CRYL1: variants seen among roughly 807,000 people sequenced by gnomAD.
CRYL1 encodes lambda-crystallin homolog.
A neutral mutation model predicts 36.6 loss-of-function variants in CRYL1; 29 were observed. The observed-to-expected ratio is 0.79, with a 90% CI of 0.59 to 1.08. The LOEUF is 1.08. Ranked by LOEUF, CRYL1 falls within the 50% of genes least tolerant of loss-of-function variation. The pLI is 0.00. For synonymous variants in CRYL1, 152 were observed against 151.5 expected (o/e 1.00, Z -0.02); for missense variants, 411 against 407.9 (o/e 1.01, Z -0.06).
chr13:20,503,182 C>T (rs1283777554), intron 2 of CRYL1, among the ~76,000 whole-genome samples: 1 of 152,118 alleles, frequency 6.6e-6, no homozygotes, highest in East Asian at 1.9e-4. Context: ...AAAAATAAGG[C>T]AAATGAAGCA....
chr13:20,453,123 T>G (rs919544506), intron 3 of CRYL1, among the ~76,000 whole-genome samples: 9 of 152,176 alleles, frequency 5.9e-5, no homozygotes, highest in Non-Finnish European at 1.2e-4. Context: ...TACTTGACAT[T>G]CAGAGACCTC....
chr13:20,430,169 C>T lies in CRYL1; in HGVS notation c.633+1933G>A, dbSNP rs1424787358. 4.1e-6 allele frequency: 4 copies of T among 983,802 alleles called. No individual in the cohort carries two copies. In the African/African-American group the frequency reaches 7.0e-5, roughly 17 times the overall value. 60.9% of individuals were successfully genotyped at this position (983,802 alleles called of 1,614,324 possible). ...TCTAGAGCTGCCTTGGGCCCCACTA[C>T]CTGTAGATAATCCTTATTTTTAGAA... On this transcript the variant is annotated intron_variant, in intron 5 of 7. Coordinates refer to ENST00000298248, the MANE Select transcript of CRYL1 (RefSeq NM_015974.3).
Position 20,478,357 on chromosome 13 carries a change from C to T in CRYL1, c.276+11013G>A, listed in dbSNP as rs7338033. On this transcript the variant is annotated intron_variant, in intron 3 of 7. Coordinates refer to ENST00000298248, the MANE Select transcript of CRYL1 (RefSeq NM_015974.3). ...CCTACAACTTTTAAAGCAGAAGGGACAATTTGGTTTCCATCTAGACTGACT... is the reference window on the plus strand; with the variant it reads ...CCTACAACTTTTAAAGCAGAAGGGATAATTTGGTTTCCATCTAGACTGACT... 0.097 allele frequency among the ~76,000 whole-genome samples: 14,692 copies of T among 152,136 alleles called. 2,022 individuals carry two copies. The highest frequency in any genetic ancestry group is 0.31 in the African/African-American group (12,879 of 41,454).
At chr13:20,431,405 G>A in intron 5 of CRYL1, 1 of 985,412 alleles carries the variant, frequency 1.0e-6, no homozygotes, top group Non-Finnish European at 1.2e-6. Context: ...CCCTGCAGAA[G>A]CTGGGCAAGT....
intron 4 of CRYL1, among the ~76,000 whole-genome samples, chr13:20,438,908 C>T (rs900966904): frequency 6.6e-6 from 1 of 152,200 alleles, no homozygotes; most frequent in African/African-American, 2.4e-5. Context: ...TTCCTCACTT[C>T]AATACATTAA....
intron 5 of CRYL1, 67 bp downstream of exon 5, chr13:20,432,035 C>G (rs1565961856): frequency 1.2e-6 from 2 of 1,611,104 alleles, no homozygotes; most frequent in South Asian, 1.1e-5. Flanking sequence ...TCCTGCTCAA[C>G]TTTGAGAGGG....
At chr13:20,416,352 A>G (rs998140362) in intron 5 of CRYL1, among the ~76,000 whole-genome samples, 1 of 152,124 alleles carries the variant, frequency 6.6e-6, no homozygotes, top group African/African-American at 2.4e-5. Context: ...ATATCTACCT[A>G]AGGCCCACAG....
chr13:20,480,878 A>G (rs1208807062), intron 3 of CRYL1, among the ~76,000 whole-genome samples: 1 of 152,244 alleles, frequency 6.6e-6, no homozygotes, highest in East Asian at 1.9e-4. Flanking sequence ...TCACAGAAGA[A>G]GATAAATACA....
Position 20,452,387 on chromosome 13 carries a change from C to G in CRYL1, c.277-12633G>C, listed in dbSNP as rs568797633. Among the ~76,000 whole-genome samples the G allele has an allele frequency of 2.6e-5, 4 of 152,144 alleles. No individual in the cohort carries two copies. In the East Asian group the frequency reaches 7.7e-4, roughly 29 times the overall value. ...CACTAACTAAAGAAACCTGCTGTTG[C>G]TATATTAATATCTCAAAAAGTAGAC... On this transcript the variant is annotated intron_variant, in intron 3 of 7. Transcript: ENST00000298248.
intron 3 of CRYL1, among the ~76,000 whole-genome samples, chr13:20,469,094 A>G (rs2033002375): frequency 6.6e-6 from 1 of 152,226 alleles, no homozygotes; most frequent in Non-Finnish European, 1.5e-5. Context: ...AGTGTCTACC[A>G]TAGATACGAC....
At chr13:20,500,278 T>C (rs1430558895) in intron 2 of CRYL1, among the ~76,000 whole-genome samples, 1 of 152,262 alleles carries the variant, frequency 6.6e-6, no homozygotes, top group African/African-American at 2.4e-5. Context: ...GAGTAGAGTA[T>C]ACTTTTGTAA....
chr13:20,489,361 T>C lies in CRYL1; in HGVS notation c.276+9A>G. 3 of 1,612,892 alleles carry C rather than the reference T, an allele frequency of 1.9e-6. No homozygotes were observed. The highest frequency in any genetic ancestry group is 2.5e-6 in the Non-Finnish European group (3 of 1,179,966). ...CCCCACAGATGCGGCGCCAGTGTCC[T>C]TCACTCACCTGAATGTGCATGGCAC... On this transcript the variant is annotated intron_variant, in intron 3 of 7. Coordinates refer to ENST00000298248, the MANE Select transcript of CRYL1 (RefSeq NM_015974.3).
At chr13:20,452,104 A>G (rs1336582033) in intron 3 of CRYL1, among the ~76,000 whole-genome samples, 1 of 152,188 alleles carries the variant, frequency 6.6e-6, no homozygotes, top group African/African-American at 2.4e-5. Flanking sequence ...GGACATAAAG[A>G]TGGCAACCAC....
chr13:20,434,972 T>G (rs1443480412), intron 4 of CRYL1, among the ~76,000 whole-genome samples: 1 of 152,070 alleles, frequency 6.6e-6, no homozygotes, highest in Non-Finnish European at 1.5e-5. Flanking sequence ...CCCCTCTATC[T>G]CATCCTCCCA....
intron 2 of CRYL1, among the ~76,000 whole-genome samples, chr13:20,497,334 C>T (rs1191037738): frequency 3.6e-4 from 13 of 35,972 alleles, no homozygotes; most frequent in Admixed American, 9.3e-4. Flanking sequence ...CACACACCAC[C>T]ACACACACTA....
intron 3 of CRYL1, among the ~76,000 whole-genome samples, chr13:20,470,758 A>C (rs1328785974): frequency 6.6e-6 from 1 of 151,950 alleles, no homozygotes; most frequent in Non-Finnish European, 1.5e-5. Context: ...AAACTACAAA[A>C]AATCAGTTGA....
At chr13:20,516,969 G>A (rs2034010539) in intron 1 of CRYL1, among the ~76,000 whole-genome samples, 2 of 152,090 alleles carry the variant, frequency 1.3e-5, no homozygotes, top group South Asian at 4.1e-4. Context: ...AGCTACTCAG[G>A]AGGCTGAGGC....
intron 5 of CRYL1, among the ~76,000 whole-genome samples, chr13:20,427,829 C>T (rs914635387): frequency 3.3e-5 from 5 of 149,636 alleles, no homozygotes; most frequent in African/African-American, 1.2e-4. Flanking sequence ...AGGAAGGAAA[C>T]CAGGGATATC....
At chr13:20,439,537 A>AAAAAAC in intron 4 of CRYL1, 56 bp downstream of exon 4, 1 of 1,370,138 alleles carries the variant, frequency 7.3e-7, no homozygotes. Context: ...AAAAGAAAAA[A>AAAAAAC]AAAAAACACA....
Sources: gnomAD v4.1 joint callset for allele counts (sites outside exome capture counted in the v4.1 genomes callset) on GRCh38, gnomAD v4.1.1 for gene constraint, MANE v1.5 for transcripts, NCBI Gene and HGNC (gene_info 2026-07-23, HGNC 2026-07-21) for gene names.